The following KATNA1 variants were observed in gnomAD, a reference collection of about 807,000 sequenced individuals.
KATNA1 encodes the protein katanin p60 ATPase-containing subunit A1.
A neutral mutation model predicts 62.6 loss-of-function variants in KATNA1; 42 were observed. That is an observed-to-expected ratio of 0.67 (90% CI 0.52 to 0.87). KATNA1 has a LOEUF of 0.87. Ranked by LOEUF, KATNA1 falls within the 40% of genes least tolerant of loss-of-function variation. The probability of loss-of-function intolerance (pLI) is 0.00; values close to 1 mark genes in which losing one functional copy is unlikely to be tolerated. For synonymous variants in KATNA1, 186 were observed against 201.9 expected (o/e 0.92, Z 0.67); for missense variants, 498 against 612.5 (o/e 0.81, Z 1.97).
chr6:149,621,548 A>G (rs1779397001), intron 4 of KATNA1, among the ~76,000 whole-genome samples: 1 of 150,172 alleles, frequency 6.7e-6, no homozygotes, highest in African/African-American at 2.5e-5. Context: ...GCTAGACTGC[A>G]GTGGTGTGAT....
rs115278961 is a variant in KATNA1, at chr6:149,633,817, G to T, written c.163-901C>A. ...TCTTATTTAAATTGCATAGCCGGGT[G>T]TGGTGGCACATGCACGTAATCCCAG... On this transcript the variant is annotated intron_variant, in intron 2 of 10. Coordinates refer to ENST00000367411, the MANE Select transcript of KATNA1 (RefSeq NM_007044.4). 1.8e-3 allele frequency among the ~76,000 whole-genome samples: 268 copies of T among 152,072 alleles called. 1 individual carries two copies. Among genetic ancestry groups the T allele is most frequent in the African/African-American group, 6.1e-3 (254 of 41,464 alleles).
intron 3 of KATNA1, among the ~76,000 whole-genome samples, chr6:149,630,651 A>C (rs1252691361): frequency 2.6e-5 from 4 of 152,142 alleles, no homozygotes; most frequent in Admixed American, 2.6e-4. Flanking sequence ...ATAAAAATAA[A>C]AGTGGCTAAG....
At chr6:149,645,875 GT>G (rs893372156) in intron 1 of KATNA1, among the ~76,000 whole-genome samples, 24 of 148,110 alleles carry the variant, frequency 1.6e-4, no homozygotes, top group East Asian at 3.9e-4. Flanking sequence ...CACAGAGAAA[GT>G]TTTTTTTTTT....
intron 2 of KATNA1, among the ~76,000 whole-genome samples, chr6:149,635,114 T>G (rs1780020658): frequency 6.6e-6 from 1 of 151,698 alleles, no homozygotes; most frequent in Non-Finnish European, 1.5e-5. Flanking sequence ...CAATAACCCA[T>G]CTCTAAAAAA....
chr6:149,600,112 G>A (rs1296403326), intron 7 of KATNA1, among the ~76,000 whole-genome samples: 1 of 147,742 alleles, frequency 6.8e-6, no homozygotes, highest in Non-Finnish European at 1.5e-5. Flanking sequence ...GGGATGCTGA[G>A]AGAGGAGGAT....
At chr6:149,595,309 ATT>A in intron 10 of KATNA1, 75 bp from the exon 11 acceptor site, 1 of 1,140,410 alleles carries the variant, frequency 8.8e-7, no homozygotes, top group Middle Eastern at 2.0e-4. Context: ...TAATAGAAAA[ATT>A]TTCAATTGAT....
chr6:149,641,462 C>A (rs1780286206), intron 1 of KATNA1, among the ~76,000 whole-genome samples: 1 of 152,030 alleles, frequency 6.6e-6, no homozygotes. Context: ...AGGTGTGAGC[C>A]ACAGCGCCTG....
rs536708662 is a variant in KATNA1, at chr6:149,598,546, GACTCCATCTC to G, written c.889-206_889-197del. 1.5e-3 allele frequency among the ~76,000 whole-genome samples: 233 copies of G among 152,048 alleles called. 1 individual carries two copies. The highest frequency in any genetic ancestry group is 5.3e-3 in the African/African-American group (219 of 41,486). On this transcript the variant is annotated intron_variant, in intron 7 of 10. Coordinates refer to ENST00000367411, the MANE Select transcript of KATNA1 (RefSeq NM_007044.4). ...GAGACCAGCCTGGGCAACATAGCAA[GACTCCATCTC>G]TACAGAAAATTAAAATATTAGTTGA...
chr6:149,607,804 G>T (rs1325399096), intron 4 of KATNA1, among the ~76,000 whole-genome samples: 1 of 152,060 alleles, frequency 6.6e-6, no homozygotes, highest in Admixed American at 6.6e-5. Flanking sequence ...AGTGGCTCAC[G>T]CCTGTAATCC....
At chr6:149,643,508 A>G (rs1170314268) in intron 1 of KATNA1, among the ~76,000 whole-genome samples, 1 of 152,158 alleles carries the variant, frequency 6.6e-6, no homozygotes, top group Non-Finnish European at 1.5e-5. Context: ...AAATCCTATC[A>G]CCTAAATCTT....
intron 3 of KATNA1, among the ~76,000 whole-genome samples, chr6:149,628,383 A>G (rs1779701949): frequency 6.8e-6 from 1 of 148,148 alleles, no homozygotes; most frequent in Non-Finnish European, 1.5e-5. Flanking sequence ...TGCTGGGATT[A>G]CAGGCGTGAG....
chr6:149,646,172 A>G (rs762946082), intron 1 of KATNA1, among the ~76,000 whole-genome samples: 14 of 152,182 alleles, frequency 9.2e-5, no homozygotes, highest in Non-Finnish European at 2.1e-4. Flanking sequence ...GAAGACAAAA[A>G]TAAGACAGAA....
intron 4 of KATNA1, among the ~76,000 whole-genome samples, chr6:149,616,792 C>T (rs999207637): frequency 6.6e-6 from 1 of 152,068 alleles, no homozygotes; most frequent in Non-Finnish European, 1.5e-5. Context: ...TATGACCCAG[C>T]AAATCCACTT....
chr6:149,617,146 G>A (rs1240484073), intron 4 of KATNA1, among the ~76,000 whole-genome samples: 1 of 152,196 alleles, frequency 6.6e-6, no homozygotes, highest in Non-Finnish European at 1.5e-5. Context: ...CAAGGTCTGG[G>A]ATGAAGGGGA....
intron 3 of KATNA1, among the ~76,000 whole-genome samples, chr6:149,627,514 T>G (rs1582793141): frequency 2.3e-5 from 3 of 130,928 alleles, no homozygotes; most frequent in Non-Finnish European, 3.1e-5. Flanking sequence ...GACGACAGAG[T>G]GAGACTCCAT....
In KATNA1 at chr6:149,595,055, A is replaced by G. The variant is rs1166168345; in HGVS notation, c.1457T>C (p.Phe486Ser). 1.9e-6 allele frequency: 3 copies of G among 1,613,866 alleles called. No individual in the cohort carries two copies. The highest frequency in any genetic ancestry group is 2.5e-6 in the Non-Finnish European group (3 of 1,179,870). The change falls in exon 11 of 11, where the codon TTT becomes TCT. Residue 486 changes from phenylalanine (F) to serine (S), a missense_variant. Physicochemically the swap from Phe to Ser is radical, Grantham distance 155. Around this residue, in one of 3 missense-constraint regions of KATNA1, gnomAD observed 267 missense variants for 372.6 expected, o/e 0.72. Coordinates refer to ENST00000367411, the MANE Select transcript of KATNA1 (RefSeq NM_007044.4). The part of the protein sequence containing the change: ...ADIERYEKWI[F>S]EFGSC ...GAGAATTTAGCATGATCCAAACTCA[A>G]ATATCCATTTCTCGTATCTTTCAAT...
intron 1 of KATNA1, 40 bp from the exon 2 acceptor site, chr6:149,638,600 A>G (rs1476958346): frequency 5.0e-6 from 7 of 1,403,636 alleles, no homozygotes; most frequent in African/African-American, 2.9e-5. Context: ...TTAGGTTTAC[A>G]TGTCTCTTAA....
At position 149,648,705 on chromosome 6, in the gene KATNA1, C is replaced by T. The variant is rs1259676375; in HGVS notation, c.-250G>A. ...TCACTTCCGGTGCCGGGGACGACCT[C>T]GGCGACTCTGGCGCACGCGGGGCGT... On this transcript the variant is annotated 5_prime_UTR_variant, in exon 1 of 11. Transcript: ENST00000367411. 6.6e-6 allele frequency: 1 copy of T among 152,178 alleles called. No individual in the cohort carries two copies. Among genetic ancestry groups the T allele is most frequent in the Non-Finnish European group, 1.5e-5 (1 of 68,046 alleles). The allele number at this position is 152,178 out of a possible 1,614,324, so 9.4% of individuals were successfully genotyped here.
chr6:149,632,603 C>A (rs569603753), intron 3 of KATNA1, among the ~76,000 whole-genome samples, 156 bp downstream of exon 3: 29 of 152,214 alleles, frequency 1.9e-4, no homozygotes, highest in Non-Finnish European at 3.8e-4. Context: ...GTCAAAAAGG[C>A]ACAAGGTTCA....
Sources: gnomAD v4.1 joint callset for allele counts (sites outside exome capture counted in the v4.1 genomes callset) on GRCh38, gnomAD v4.1.1 for gene constraint, gnomAD v4.1.1 regional missense constraint, MANE v1.5 for transcripts, NCBI Gene and HGNC (gene_info 2026-07-23, HGNC 2026-07-21) for gene names.